SDK1: variants seen among roughly 807,000 people sequenced by gnomAD.
The protein encoded by SDK1 is sidekick cell adhesion molecule 1.
Under a neutral mutation model 245.5 loss-of-function variants are expected in SDK1, and 157 were observed. The ratio of observed to expected loss-of-function variants is 0.64; its 90% confidence interval spans 0.56 to 0.73. SDK1 has a LOEUF of 0.73. Among genes scored for constraint, SDK1 ranks in the 30% least tolerant of loss-of-function variants. The pLI is 0.00. For synonymous variants in SDK1, 1,647 were observed against 1,278.5 expected, an observed-to-expected ratio of 1.29 and a Z score of -6.15; for missense variants, 3,583 against 3,002.3, an observed-to-expected ratio of 1.19 and a Z score of -4.52.
chr7:4,205,103 C>T (rs943606260), intron 35 of SDK1, among the ~76,000 whole-genome samples: 1 of 143,644 alleles, frequency 7.0e-6, no homozygotes, highest in African/African-American at 2.7e-5. Context: ...GAGCTCCTCC[C>T]CAGGGGGAGC....
In SDK1 at chr7:4,105,273, G is replaced by A. The variant is rs576170596; in HGVS notation, c.3325-5390G>A. Among the ~76,000 whole-genome samples the A allele has an allele frequency of 1.4e-3, 203 of 149,142 alleles. 1 individual carries two copies. The highest frequency in any genetic ancestry group is 3.4e-3 in the Admixed American group (51 of 14,956). On this transcript the variant is annotated intron_variant, in intron 22 of 44. Transcript: ENST00000404826. ...GCTGGGATTACAGGTGTGAGCCACC[G>A]CGCCTGGCCAGGAGTTATATTTTTT...
intron 1 of SDK1, among the ~76,000 whole-genome samples, chr7:3,587,960 T>C (rs1780744955): frequency 6.6e-6 from 1 of 152,260 alleles, no homozygotes; most frequent in East Asian, 1.9e-4. Context: ...CCAATAGACT[T>C]ATGTCTATGC....
At chr7:3,698,191 A>G (rs1217951759) in intron 4 of SDK1, among the ~76,000 whole-genome samples, 1 of 152,198 alleles carries the variant, frequency 6.6e-6, no homozygotes, top group Non-Finnish European at 1.5e-5. Context: ...TGCTATAGCC[A>G]AATACTACCG....
chr7:3,416,162 T>A (rs2128579134), intron 1 of SDK1, among the ~76,000 whole-genome samples: 1 of 152,324 alleles, frequency 6.6e-6, no homozygotes, highest in South Asian at 2.1e-4. Flanking sequence ...TGATTATGGA[T>A]CGTATAAATC....
At chr7:4,130,971 G>C (rs1207631919) in intron 27 of SDK1, among the ~76,000 whole-genome samples, 1 of 152,144 alleles carries the variant, frequency 6.6e-6, no homozygotes, top group Non-Finnish European at 1.5e-5. Flanking sequence ...ACGTTGCTGA[G>C]AGAGTGCCAC....
At chr7:3,894,508 C>G (rs1270736586) in intron 5 of SDK1, among the ~76,000 whole-genome samples, 1 of 151,684 alleles carries the variant, frequency 6.6e-6, no homozygotes, top group African/African-American at 2.4e-5. Context: ...CAGGAAGAAG[C>G]TCACCAGCTG....
intron 1 of SDK1, among the ~76,000 whole-genome samples, chr7:3,611,936 T>TG (rs1781607311): frequency 6.6e-6 from 1 of 152,122 alleles, no homozygotes; most frequent in African/African-American, 2.4e-5. Flanking sequence ...AGTGAAATAA[T>TG]GGCATTCACA....
intron 5 of SDK1, among the ~76,000 whole-genome samples, chr7:3,839,274 A>G (rs1780099904): frequency 6.6e-6 from 1 of 152,168 alleles, no homozygotes; most frequent in Admixed American, 6.5e-5. Context: ...TTCCAGACAG[A>G]GGAGAATTTC....
chr7:4,136,000 G>T (rs1696359981), intron 28 of SDK1, among the ~76,000 whole-genome samples: 1 of 152,164 alleles, frequency 6.6e-6, no homozygotes, highest in African/African-American at 2.4e-5. Flanking sequence ...AGGCTGCTTG[G>T]GTTACAGAGT....
chr7:3,695,961 A>T (rs1784561616), intron 4 of SDK1, among the ~76,000 whole-genome samples: 1 of 152,116 alleles, frequency 6.6e-6, no homozygotes, highest in African/African-American at 2.4e-5. Flanking sequence ...GCTGACGCTC[A>T]TTGGCTTCCT....
At chr7:3,648,246 G>A (rs1583269227) in intron 4 of SDK1, among the ~76,000 whole-genome samples, 1 of 152,206 alleles carries the variant, frequency 6.6e-6, no homozygotes, top group African/African-American at 2.4e-5. Context: ...CCTCCACGAC[G>A]TTATTTATGT....
intron 1 of SDK1, among the ~76,000 whole-genome samples, chr7:3,529,816 T>C (rs906568081): frequency 6.6e-6 from 1 of 152,170 alleles, no homozygotes; most frequent in Non-Finnish European, 1.5e-5. Flanking sequence ...TCACATCACG[T>C]GCCTCCCAAG....
intron 15 of SDK1, among the ~76,000 whole-genome samples, chr7:4,011,827 A>T (rs1345931363): frequency 6.6e-6 from 1 of 152,144 alleles, no homozygotes. Flanking sequence ...CAGTCTTTCT[A>T]AAGGGCTGAG....
intron 1 of SDK1, among the ~76,000 whole-genome samples, chr7:3,322,973 C>G (rs1043274490): frequency 1.3e-5 from 2 of 152,120 alleles, no homozygotes; most frequent in Non-Finnish European, 2.9e-5. Flanking sequence ...CCACACCTGG[C>G]TCATTTTTGT....
intron 5 of SDK1, among the ~76,000 whole-genome samples, chr7:3,868,631 A>G (rs919549624): frequency 6.6e-6 from 1 of 152,222 alleles, no homozygotes; most frequent in African/African-American, 2.4e-5. Context: ...ATGTATTACT[A>G]TTTTAATACT....
intron 1 of SDK1, among the ~76,000 whole-genome samples, chr7:3,416,836 T>C (rs577567796): frequency 2.6e-5 from 4 of 152,270 alleles, no homozygotes; most frequent in African/African-American, 9.6e-5. Context: ...GTGGATGTTA[T>C]TTGTGGTTAT....
At chr7:3,851,390 A>G (rs1780416365) in intron 5 of SDK1, among the ~76,000 whole-genome samples, 1 of 152,232 alleles carries the variant, frequency 6.6e-6, no homozygotes, top group Admixed American at 6.5e-5. Context: ...AGTATTTAGC[A>G]TATTTAAAAT....
chr7:3,944,915 G>A (rs1342231118), intron 5 of SDK1, among the ~76,000 whole-genome samples: 1 of 152,224 alleles, frequency 6.6e-6, no homozygotes, highest in East Asian at 1.9e-4. Flanking sequence ...TGGAGGGGCT[G>A]GTTATGACAG....
intron 1 of SDK1, among the ~76,000 whole-genome samples, chr7:3,368,386 T>C (rs540900600): frequency 6.6e-5 from 10 of 152,372 alleles, no homozygotes; most frequent in African/African-American, 2.4e-4. Flanking sequence ...ATCATACTTT[T>C]GTGGGAAACA....
Sources: gnomAD v4.1 joint callset for allele counts (sites outside exome capture counted in the v4.1 genomes callset) on GRCh38, gnomAD v4.1.1 for gene constraint, MANE v1.5 for transcripts, NCBI Gene and HGNC (gene_info 2026-07-23, HGNC 2026-07-21) for gene names.